Variants in UHRF2 observed in about 807,000 individuals in gnomAD.
UHRF2 encodes the protein E3 ubiquitin-protein ligase UHRF2.
UHRF2 carries 23 observed loss-of-function variants against 96.8 expected under a neutral mutation model. That is an observed-to-expected ratio of 0.24 (90% CI 0.17 to 0.34). UHRF2 has a LOEUF of 0.34. Among genes scored for constraint, UHRF2 ranks in the 10% least tolerant of loss-of-function variants. The pLI, the probability that UHRF2 is intolerant of heterozygous loss-of-function variation, is 1.00. For synonymous variants in UHRF2, 385 were observed against 332.6 expected, an observed-to-expected ratio of 1.16 and a Z score of -1.72; for missense variants, 685 against 981.5, an observed-to-expected ratio of 0.70 and a Z score of 4.04.
chr9:6,424,180 G>A (rs760419713), intron 2 of UHRF2, among the ~76,000 whole-genome samples: 1 of 152,162 alleles, frequency 6.6e-6, no homozygotes. Context: ...TGGATACCTG[G>A]GAGAGCTGAG....
intron 3 of UHRF2, among the ~76,000 whole-genome samples, chr9:6,453,174 T>C (rs927908129): frequency 6.6e-6 from 1 of 152,188 alleles, no homozygotes; most frequent in Non-Finnish European, 1.5e-5. Flanking sequence ...GGTGCAGGAA[T>C]AGCTTAAATT....
chr9:6,447,813 C>G (rs1305633971), intron 3 of UHRF2, among the ~76,000 whole-genome samples: 1 of 152,066 alleles, frequency 6.6e-6, no homozygotes, highest in Non-Finnish European at 1.5e-5. Flanking sequence ...AAAACTGAAA[C>G]CTATGTACGA....
chr9:6,432,948 C>G (rs1052513434), intron 2 of UHRF2, among the ~76,000 whole-genome samples: 2 of 151,968 alleles, frequency 1.3e-5, no homozygotes, highest in Admixed American at 1.3e-4. Flanking sequence ...TCAAGTGATT[C>G]TCCTGCCTTA....
intron 6 of UHRF2, 138 bp from the exon 7 acceptor site, chr9:6,481,505 T>G: frequency 1.1e-6 from 1 of 924,306 alleles, no homozygotes; most frequent in South Asian, 2.6e-5. Flanking sequence ...GTTTAGTATT[T>G]TAATGCCAGT....
intron 6 of UHRF2, 68 bp from the exon 7 acceptor site, chr9:6,481,575 C>T (rs1823928649): frequency 6.4e-7 from 1 of 1,561,574 alleles, no homozygotes; most frequent in Non-Finnish European, 8.7e-7. Flanking sequence ...CCTAGGAAGG[C>T]TAATATTCTG....
intron 12 of UHRF2, chr9:6,499,313 A>G (rs1441633173): frequency 7.5e-6 from 1 of 134,182 alleles, no homozygotes; most frequent in Non-Finnish European, 1.5e-5. Context: ...GTATTACTTC[A>G]AATCTAACTC....
At chr9:6,424,494 A>G (rs1820127468) in intron 2 of UHRF2, among the ~76,000 whole-genome samples, 2 of 152,236 alleles carry the variant, frequency 1.3e-5, no homozygotes, top group South Asian at 4.1e-4. Flanking sequence ...TTACTTTTTT[A>G]TTTGTGTTAC....
intron 9 of UHRF2, chr9:6,492,340 C>T: frequency 8.1e-7 from 1 of 1,234,500 alleles, no homozygotes; most frequent in African/African-American, 1.5e-5. Flanking sequence ...TGGAGTCTGT[C>T]CAGATACCGG....
intron 4 of UHRF2, among the ~76,000 whole-genome samples, chr9:6,469,484 C>T (rs1398179266): frequency 2.0e-5 from 3 of 151,684 alleles, no homozygotes; most frequent in Non-Finnish European, 4.4e-5. Context: ...CGCCACTGCA[C>T]TTCAGCCTGG....
At chr9:6,465,618 T>TA (rs1294342385) in intron 4 of UHRF2, among the ~76,000 whole-genome samples, 1 of 152,244 alleles carries the variant, frequency 6.6e-6, no homozygotes, top group Admixed American at 6.5e-5. Context: ...GTTAATCTGT[T>TA]ACGATGTTTT....
intron 4 of UHRF2, among the ~76,000 whole-genome samples, chr9:6,463,539 C>T (rs528713497): frequency 1.2e-4 from 18 of 151,890 alleles, no homozygotes; most frequent in South Asian, 6.2e-4. Flanking sequence ...GGCACAATCC[C>T]GGCTCACTGC....
chr9:6,461,400 C>T (rs1294369578), intron 4 of UHRF2, among the ~76,000 whole-genome samples: 2 of 133,964 alleles, frequency 1.5e-5, no homozygotes, highest in Middle Eastern at 3.7e-3. Flanking sequence ...CCCCCCCGCC[C>T]CTTGTTCTGT....
At chr9:6,449,204 A>G (rs1248809101) in intron 3 of UHRF2, 1 of 152,202 alleles carries the variant, frequency 6.6e-6, no homozygotes, top group East Asian at 1.9e-4. Context: ...CTTCAACTAC[A>G]GCACTTTCTA....
chr9:6,494,085 C>A, intron 10 of UHRF2, 153 bp downstream of exon 10: 1 of 626,562 alleles, frequency 1.6e-6, no homozygotes, highest in Non-Finnish European at 2.7e-6. Context: ...AATTGTTTTT[C>A]AGCATCCTAA....
At chr9:6,429,561 C>T (rs1029934080) in intron 2 of UHRF2, among the ~76,000 whole-genome samples, 2 of 152,160 alleles carry the variant, frequency 1.3e-5, no homozygotes, top group Admixed American at 6.5e-5. Context: ...GAACTCCTGA[C>T]CTCAGGTGCT....
chr9:6,479,068 A>G (rs62566152), intron 6 of UHRF2, among the ~76,000 whole-genome samples: 16,628 of 152,094 alleles, frequency 0.11, 1,283 homozygotes, highest in Non-Finnish European at 0.16. Flanking sequence ...GATCATTCTC[A>G]TTAGCATTCT....
At chr9:6,471,797 G>A (rs74898627) in intron 4 of UHRF2, among the ~76,000 whole-genome samples, 4,425 of 152,170 alleles carry the variant, frequency 0.029, 98 homozygotes, top group Non-Finnish European at 0.043. Context: ...TAAATTGGTC[G>A]GTTAAAGCTC....
At chr9:6,456,721 G>A (rs143617653) in intron 3 of UHRF2, among the ~76,000 whole-genome samples, 139 of 152,290 alleles carry the variant, frequency 9.1e-4, no homozygotes, top group African/African-American at 3.3e-3. Flanking sequence ...AAGGTGTAAG[G>A]AAAGGGTCCA....
Position 6,468,895 on chromosome 9 carries a change from AACC to A in UHRF2, c.864-6490_864-6488del, listed in dbSNP as rs1823044070. Among the ~76,000 whole-genome samples, 6 of 152,274 alleles carry A rather than the reference AACC, an allele frequency of 3.9e-5. No homozygotes were observed. The South Asian group carries it at 1.2e-3, about 32-fold the overall frequency. On this transcript the variant is annotated intron_variant, in intron 4 of 15. Transcript: ENST00000276893. ...CAGCATAGATGCTGATTAAATGTTAAACCACCACATTATCTCTCCAGCAGTAGG... is the reference window on the plus strand; with the variant it reads ...CAGCATAGATGCTGATTAAATGTTAAACCACATTATCTCTCCAGCAGTAGG...
Sources: gnomAD v4.1 joint callset for allele counts (sites outside exome capture counted in the v4.1 genomes callset) on GRCh38, gnomAD v4.1.1 for gene constraint, MANE v1.5 for transcripts, NCBI Gene and HGNC (gene_info 2026-07-23, HGNC 2026-07-21) for gene names.